The following RALGPS1 variants were observed in gnomAD, a reference collection of about 807,000 sequenced individuals.
RALGPS1 encodes the protein Ral GEF with PH domain and SH3 binding motif 1.
RALGPS1 carries 19 observed loss-of-function variants against 78.8 expected under a neutral mutation model. The observed-to-expected ratio is 0.24, with a 90% CI of 0.17 to 0.35. The LOEUF (loss-of-function observed/expected upper bound fraction) is 0.35, where lower values mean the gene tolerates loss of function less well. Among genes scored for constraint, RALGPS1 ranks in the 10% least tolerant of loss-of-function variants. The pLI is 1.00. For synonymous variants in RALGPS1, 228 were observed against 256.3 expected, an observed-to-expected ratio of 0.89 and a Z score of 1.06; for missense variants, 454 against 688.3, an observed-to-expected ratio of 0.66 and a Z score of 3.81.
At chr9:127,100,434 C>G (rs182225071) in intron 8 of RALGPS1, among the ~76,000 whole-genome samples, 1 of 152,178 alleles carries the variant, frequency 6.6e-6, no homozygotes, top group Non-Finnish European at 1.5e-5. Flanking sequence ...CAAAGCATTG[C>G]GTCGCTCTTA....
At chr9:127,147,745 A>G (rs1270997783) in intron 8 of RALGPS1, among the ~76,000 whole-genome samples, 2 of 152,206 alleles carry the variant, frequency 1.3e-5, no homozygotes, top group African/African-American at 4.8e-5. Context: ...TATTGAATAA[A>G]AGAATGAATT....
rs2062340519 is a variant in RALGPS1, at chr9:127,212,644, G to A, written c.1371G>A (p.Arg457=). Residue 457 remains arginine (R), a synonymous_variant, in exon 16 of 19, where the codon AGG becomes AGA. Coordinates refer to ENST00000259351, the MANE Select transcript of RALGPS1 (RefSeq NM_014636.3). The surrounding 1 kb of genome is among the most constrained non-coding windows in gnomAD (Gnocchi z 6.0). ...CTCTGTAGCTGTCCTCGTGGACCAG[G>A]TACTGGGTCATACTCTCAGGATCCA... The part of the protein sequence containing the change: ...GRKPALSSWT[R]YWVILSGSTL... The A allele has an allele frequency of 6.2e-7, 1 of 1,612,534 alleles. No homozygotes were observed. Among genetic ancestry groups the A allele is most frequent in the Non-Finnish European group, 8.5e-7 (1 of 1,179,072 alleles).
At chr9:127,025,992 CT>C (rs1564440030) in intron 4 of RALGPS1, among the ~76,000 whole-genome samples, 1 of 152,142 alleles carries the variant, frequency 6.6e-6, no homozygotes, top group Non-Finnish European at 1.5e-5. Flanking sequence ...ATGTGGTTTA[CT>C]TTTTAAAAAA....
chr9:127,041,031 T>TTGTGTGTGTGTG (rs58541875), intron 5 of RALGPS1, among the ~76,000 whole-genome samples: 5,342 of 135,694 alleles, frequency 0.039, 168 homozygotes, highest in East Asian at 0.082. Flanking sequence ...CTACAAACAT[T>TTGTGTGTGTGTG]TGTGTGTGTG....
At chr9:127,041,587 T>C (rs942627704) in intron 5 of RALGPS1, among the ~76,000 whole-genome samples, 23 of 152,228 alleles carry the variant, frequency 1.5e-4, no homozygotes, top group African/African-American at 5.1e-4. Context: ...CAGACCACTC[T>C]TGGACAGTTA....
At position 127,205,758 on chromosome 9, in the gene RALGPS1, TTGGGATGCC is replaced by T. The variant is rs2061898610; in HGVS notation, c.1248-6371_1248-6363del. Reference sequence around the variant, plus strand: ...AAGATGGATGATGCCTCATGGCAACTTGGGATGCCTCCCAGGTTTACATGTGATAGTTTC... The same window carrying T: ...AAGATGGATGATGCCTCATGGCAACTTCCCAGGTTTACATGTGATAGTTTC... On this transcript the variant is annotated intron_variant, in intron 14 of 18. Transcript: ENST00000259351. The surrounding 1 kb of genome is among the most constrained non-coding windows in gnomAD (Gnocchi z 4.0). Among the ~76,000 whole-genome samples the T allele has an allele frequency of 6.6e-6, 1 of 152,256 alleles. No individual in the cohort carries two copies. The highest frequency in any genetic ancestry group is 1.5e-5 in the Non-Finnish European group (1 of 68,052).
At chr9:127,040,325 C>A (rs776666070) in intron 5 of RALGPS1, among the ~76,000 whole-genome samples, 1 of 151,888 alleles carries the variant, frequency 6.6e-6, no homozygotes, top group African/African-American at 2.4e-5. Context: ...CACTTGCACT[C>A]GAGGGGGCGG....
At chr9:127,153,922 G>A (rs1258868852) in intron 8 of RALGPS1, among the ~76,000 whole-genome samples, 1 of 152,178 alleles carries the variant, frequency 6.6e-6, no homozygotes, top group Non-Finnish European at 1.5e-5. Context: ...CAGTCCAGAG[G>A]GTCAAGTTTC....
intron 1 of RALGPS1, among the ~76,000 whole-genome samples, chr9:126,942,354 TTTG>T (rs911858992): frequency 1.3e-5 from 2 of 152,190 alleles, no homozygotes; most frequent in Non-Finnish European, 2.9e-5. Flanking sequence ...TTTTCCTTTT[TTTG>T]TTGTTAAGTC....
intron 7 of RALGPS1, among the ~76,000 whole-genome samples, chr9:127,065,397 C>G (rs577839624): frequency 2.0e-5 from 3 of 152,196 alleles, no homozygotes; most frequent in Admixed American, 2.0e-4. Flanking sequence ...CAGGCGTGAG[C>G]CACTGTGCCC....
intron 8 of RALGPS1, among the ~76,000 whole-genome samples, chr9:127,097,952 T>C (rs1018547636): frequency 6.6e-6 from 1 of 152,224 alleles, no homozygotes; most frequent in Non-Finnish European, 1.5e-5. Context: ...GAGGATGTCA[T>C]GAACCCAAGA....
chr9:127,188,681 T>C (rs78594938), intron 11 of RALGPS1, among the ~76,000 whole-genome samples: 6,735 of 151,826 alleles, frequency 0.044, 482 homozygotes, highest in African/African-American at 0.15. Context: ...AGAGGATCCA[T>C]TGGGCTGGTT....
At chr9:127,060,966 C>T (rs998665750) in intron 7 of RALGPS1, among the ~76,000 whole-genome samples, 3 of 152,120 alleles carry the variant, frequency 2.0e-5, no homozygotes, top group Non-Finnish European at 4.4e-5. Flanking sequence ...TGTGGATTTC[C>T]AACCCTGTAT....
At chr9:127,196,362 G>T (rs2061347587) in intron 12 of RALGPS1, 112 bp from the exon 13 acceptor site, 1 of 1,263,790 alleles carries the variant, frequency 7.9e-7, no homozygotes, top group African/African-American at 1.5e-5. Flanking sequence ...GTGGCTCTGG[G>T]TGGAGGCCTT....
chr9:126,961,256 G>A (rs1247095834), intron 1 of RALGPS1, among the ~76,000 whole-genome samples: 1 of 152,152 alleles, frequency 6.6e-6, no homozygotes, highest in Non-Finnish European at 1.5e-5. Context: ...ATGACAGGGT[G>A]GCAGGGTGGC....
chr9:127,054,540 G>C (rs1327896656), intron 7 of RALGPS1, among the ~76,000 whole-genome samples: 1 of 152,162 alleles, frequency 6.6e-6, no homozygotes, highest in East Asian at 1.9e-4. Context: ...AAGCGATGGT[G>C]TCCTCCAGGG....
intron 7 of RALGPS1, among the ~76,000 whole-genome samples, chr9:127,061,648 C>T (rs2049223260): frequency 2.0e-5 from 3 of 152,196 alleles, no homozygotes. Context: ...CGGGTCCTCT[C>T]CAGCCCCATC....
intron 4 of RALGPS1, among the ~76,000 whole-genome samples, chr9:127,004,568 A>T (rs1209432502): frequency 6.6e-6 from 1 of 152,332 alleles, no homozygotes; most frequent in Non-Finnish European, 1.5e-5. Flanking sequence ...TTTTCACATC[A>T]CTATGTTATG....
chr9:126,955,620 A>C (rs2038266243), intron 1 of RALGPS1, among the ~76,000 whole-genome samples: 1 of 152,162 alleles, frequency 6.6e-6, no homozygotes, highest in Non-Finnish European at 1.5e-5. Flanking sequence ...TATTTAAAAA[A>C]CAATTTAATA....
Sources: allele counts gnomAD v4.1 joint callset (sites outside exome capture counted in the v4.1 genomes callset), GRCh38; gene constraint gnomAD v4.1.1; non-coding constraint Gnocchi (gnomAD v3.1); transcripts MANE v1.5; gene names NCBI Gene and HGNC (gene_info 2026-07-23, HGNC 2026-07-21).